The following UBL3 variants were observed in gnomAD, a reference collection of about 807,000 sequenced individuals.
UBL3 encodes the protein ubiquitin-like protein 3.
Under a neutral mutation model 18.4 loss-of-function variants are expected in UBL3, and 6 were observed. The observed-to-expected ratio is 0.33, with a 90% CI of 0.18 to 0.64. UBL3 has a LOEUF of 0.64. Ranked by LOEUF, UBL3 falls within the 30% of genes least tolerant of loss-of-function variation. The probability of loss-of-function intolerance (pLI) is 0.76; values close to 1 mark genes in which losing one functional copy is unlikely to be tolerated. For synonymous variants in UBL3, 49 were observed against 46.6 expected, an observed-to-expected ratio of 1.05 and a Z score of -0.21; for missense variants, 109 against 142.9, an observed-to-expected ratio of 0.76 and a Z score of 1.21.
At chr13:29,794,869 C>T (rs1162210487) in intron 1 of UBL3, among the ~76,000 whole-genome samples, 1 of 152,204 alleles carries the variant, frequency 6.6e-6, no homozygotes, top group East Asian at 1.9e-4. Flanking sequence ...CTTCTGAAAT[C>T]ATGAAATTGG....
At chr13:29,769,361 T>C (rs1876776342) in intron 3 of UBL3, among the ~76,000 whole-genome samples, 2 of 152,126 alleles carry the variant, frequency 1.3e-5, no homozygotes, top group Non-Finnish European at 2.9e-5. Context: ...TTGATGTTAA[T>C]AACATTTAAA....
intron 1 of UBL3, among the ~76,000 whole-genome samples, chr13:29,824,815 T>C (rs1878573861): frequency 6.6e-6 from 1 of 152,256 alleles, no homozygotes; most frequent in South Asian, 2.1e-4. Context: ...GCCTAGGTTT[T>C]CTTCTAGGGT....
intron 1 of UBL3, among the ~76,000 whole-genome samples, chr13:29,780,029 G>GT (rs1294008490): frequency 6.6e-6 from 1 of 152,056 alleles, no homozygotes; most frequent in African/African-American, 2.4e-5. Flanking sequence ...ACTGTATTTT[G>GT]CTGTGGCAGC....
In UBL3 at chr13:29,765,619, CA is replaced by C. The variant is rs1200187730; in HGVS notation, c.*1635del. ...TAAAATTACCACCAAAATGCACTAT[CA>C]TTTTTTTTTTATTTAGTTTACAGGA... On this transcript the variant is annotated 3_prime_UTR_variant, in exon 5 of 5. Coordinates refer to ENST00000380680, the MANE Select transcript of UBL3 (RefSeq NM_007106.4). 7.2e-5 allele frequency: 11 copies of C among 152,352 alleles called. No homozygotes were observed. Among genetic ancestry groups the C allele is most frequent in the Admixed American group, 6.6e-4 (10 of 15,254 alleles). The allele number at this position is 152,352 out of a possible 1,614,324, so 9.4% of individuals were successfully genotyped here.
chr13:29,779,799 C>T (rs1013552482), intron 1 of UBL3, among the ~76,000 whole-genome samples: 6 of 152,120 alleles, frequency 3.9e-5, no homozygotes, highest in African/African-American at 9.7e-5. Flanking sequence ...TGGACTGACT[C>T]GCATCTCCCC....
intron 1 of UBL3, among the ~76,000 whole-genome samples, chr13:29,784,794 A>T (rs1877266454): frequency 6.6e-6 from 1 of 152,058 alleles, no homozygotes; most frequent in Non-Finnish European, 1.5e-5. Context: ...TGGTACAGGA[A>T]TCTATTTGTG....
intron 1 of UBL3, among the ~76,000 whole-genome samples, chr13:29,830,475 T>C (rs1878744371): frequency 6.6e-6 from 1 of 152,216 alleles, no homozygotes; most frequent in South Asian, 2.1e-4. Flanking sequence ...TTCCCTCCTA[T>C]GACAGCTGGG....
chr13:29,817,287 T>G (rs1055855327), intron 1 of UBL3, among the ~76,000 whole-genome samples: 1 of 152,216 alleles, frequency 6.6e-6, no homozygotes, highest in South Asian at 2.1e-4. Flanking sequence ...ACGCGTAAGA[T>G]GAAAACATAA....
intron 1 of UBL3, among the ~76,000 whole-genome samples, chr13:29,822,182 T>C (rs1309372728): frequency 1.3e-5 from 2 of 152,242 alleles, no homozygotes; most frequent in South Asian, 2.1e-4. Flanking sequence ...TAATCACACA[T>C]TTAGAGATTT....
At chr13:29,792,509 AGTCT>A (rs767002163) in intron 1 of UBL3, among the ~76,000 whole-genome samples, 11 of 152,360 alleles carry the variant, frequency 7.2e-5, no homozygotes, top group Admixed American at 2.0e-4. Context: ...AAAAGAATAC[AGTCT>A]GTCTGTCTAT....
chr13:29,794,971 C>T (rs1565993417), intron 1 of UBL3, among the ~76,000 whole-genome samples: 1 of 152,174 alleles, frequency 6.6e-6, no homozygotes, highest in African/African-American at 2.4e-5. Context: ...CAGAATTCTA[C>T]TCAAAGAGAC....
intron 1 of UBL3, among the ~76,000 whole-genome samples, chr13:29,818,357 C>A (rs1302691211): frequency 1.3e-5 from 2 of 152,166 alleles, no homozygotes; most frequent in African/African-American, 4.8e-5. Context: ...TTCAGAGACA[C>A]TTAACATCAA....
intron 1 of UBL3, among the ~76,000 whole-genome samples, chr13:29,822,199 A>T (rs1878474334): frequency 6.6e-6 from 1 of 152,182 alleles, no homozygotes; most frequent in South Asian, 2.1e-4. Flanking sequence ...ATTTGTTTTT[A>T]CTTCATTTAC....
intron 1 of UBL3, among the ~76,000 whole-genome samples, chr13:29,819,880 A>G (rs748136948): frequency 6.6e-6 from 1 of 152,086 alleles, no homozygotes. Flanking sequence ...TTCAAGGACA[A>G]TAATCCTTTT....
At chr13:29,802,871 G>C (rs1877807986) in intron 1 of UBL3, among the ~76,000 whole-genome samples, 1 of 152,154 alleles carries the variant, frequency 6.6e-6, no homozygotes, top group African/African-American at 2.4e-5. Context: ...AGCAACTTGG[G>C]AAACATATTT....
intron 1 of UBL3, among the ~76,000 whole-genome samples, chr13:29,801,381 T>G (rs1877760829): frequency 1.3e-5 from 2 of 152,202 alleles, no homozygotes; most frequent in African/African-American, 4.8e-5. Context: ...CTGCCCCTGC[T>G]GCTCTTGGAC....
At chr13:29,802,485 T>C (rs893314821) in intron 1 of UBL3, among the ~76,000 whole-genome samples, 1 of 152,052 alleles carries the variant, frequency 6.6e-6, no homozygotes, top group African/African-American at 2.4e-5. Context: ...ATCACAGAAA[T>C]ATAATTCAGA....
intron 1 of UBL3, among the ~76,000 whole-genome samples, chr13:29,837,062 A>G (rs1332548402): frequency 2.0e-5 from 3 of 152,202 alleles, no homozygotes; most frequent in Admixed American, 2.0e-4. Context: ...ATGTCTTATC[A>G]GTCACTTACG....
At chr13:29,848,664 G>T (rs1464015490) in intron 1 of UBL3, among the ~76,000 whole-genome samples, 2 of 152,126 alleles carry the variant, frequency 1.3e-5, no homozygotes, top group Non-Finnish European at 2.9e-5. Context: ...CCTTAGGACT[G>T]CAAAATGTAA....
Sources: gnomAD v4.1 joint callset for allele counts (sites outside exome capture counted in the v4.1 genomes callset) on GRCh38, gnomAD v4.1.1 for gene constraint, MANE v1.5 for transcripts, NCBI Gene and HGNC (gene_info 2026-07-23, HGNC 2026-07-21) for gene names.